The following RIOX2 variants were observed in gnomAD, a reference collection of about 807,000 sequenced individuals.
RIOX2 encodes ribosomal oxygenase 2.
RIOX2 carries 43 observed loss-of-function variants against 51.2 expected under a neutral mutation model. That is an observed-to-expected ratio of 0.84 (90% CI 0.66 to 1.08). The LOEUF is 1.08. RIOX2 is among the 50% of genes least tolerant of loss of function. The pLI is 0.00. For missense variants in RIOX2, 566 were observed against 561.7 expected, an observed-to-expected ratio of 1.01 and a Z score of -0.08; for synonymous variants, 226 against 218.5, an observed-to-expected ratio of 1.03 and a Z score of -0.30.
intron 3 of RIOX2, among the ~76,000 whole-genome samples, chr3:97,960,881 C>T (rs866669113): frequency 1.3e-5 from 2 of 152,132 alleles, no homozygotes; most frequent in Non-Finnish European, 1.5e-5. Flanking sequence ...AGGAAAACTT[C>T]GAGTTTTTTA....
intron 1 of RIOX2, among the ~76,000 whole-genome samples, chr3:97,969,049 G>T (rs1308016986): frequency 6.6e-6 from 1 of 152,144 alleles, no homozygotes; most frequent in African/African-American, 2.4e-5. Flanking sequence ...AGAAACTTTA[G>T]ATTGAAACCC....
chr3:97,951,148 C>A (rs1458184995), intron 5 of RIOX2: 1 of 337,638 alleles, frequency 3.0e-6, no homozygotes, highest in East Asian at 5.3e-5. Flanking sequence ...ATACTGATTT[C>A]TCTTAAAAGC....
In RIOX2 at chr3:97,945,190, T is replaced by C. The variant is rs1385979559; in HGVS notation, c.1392A>G (p.Val464=). Residue 464 remains valine (V), a synonymous_variant, in exon 10 of 10, where the codon GTA becomes GTG. Coordinates refer to ENST00000394198, the MANE Select transcript of RIOX2 (RefSeq NM_153182.4). The part of the protein sequence containing the change: ...LSLWTECLIQ[V]V ...ATTTGATTCTGCAAAGGCACTAGAC[T>C]ACTTGAATTAAACATTCTGTCCAGA... The C allele has an allele frequency of 6.2e-7, 1 of 1,609,092 alleles. No individual in the cohort carries two copies. Among genetic ancestry groups the C allele is most frequent in the South Asian group, 1.1e-5 (1 of 89,994 alleles).
rs866016006 is a variant in RIOX2, at chr3:97,962,370, C to A, written c.433-662G>T. Among the ~76,000 whole-genome samples the A allele has an allele frequency of 4.6e-5, 6 of 129,256 alleles. 1 individual carries two copies. Among genetic ancestry groups the A allele is most frequent in the Admixed American group, 1.5e-4 (2 of 13,088 alleles). 84.8% of individuals were successfully genotyped at this position (129,256 alleles called of 152,430 possible). A position where few individuals can be genotyped will look rare whatever the true frequency, so the allele number is the denominator to read the frequency against. On this transcript the variant is annotated intron_variant, in intron 2 of 9. Coordinates refer to ENST00000394198, the MANE Select transcript of RIOX2 (RefSeq NM_153182.4). ...GGAATGCTAAGACCCCCCCCCCCCC[C>A]CCCACATGGAGATGTCTTTAAGTCG...
Position 97,967,394 on chromosome 3 carries a change from T to C in RIOX2, c.200A>G (p.Gln67Arg). The change falls in exon 2 of 10, where the codon CAG becomes CGG. Residue 67 changes from glutamine to arginine, a missense_variant. Physicochemically the swap from Gln to Arg is conservative, Grantham distance 43. Transcript: ENST00000394198. ...EFWEQKPLLI[Q>R]RDDPALATYY... Reference sequence around the variant, plus strand: ...TGTGGCCAGTGCAGGGTCATCTCTCTGAATGAGAAGGGGCTTCTGCTCCCA... The same window carrying C: ...TGTGGCCAGTGCAGGGTCATCTCTCCGAATGAGAAGGGGCTTCTGCTCCCA... 1 of 1,614,194 alleles carries C rather than the reference T, an allele frequency of 6.2e-7. No homozygotes were observed. Among genetic ancestry groups the C allele is most frequent in the South Asian group, 1.1e-5 (1 of 91,074 alleles).
Position 97,945,077 on chromosome 3 carries a change from A to AGAT in RIOX2, c.*104_*106dup. 1 of 986,302 alleles carries AGAT rather than the reference A, an allele frequency of 1.0e-6. No homozygotes were observed. The allele number at this position is 986,302 out of a possible 1,614,324, so 61.1% of individuals were successfully genotyped here. A position where few individuals can be genotyped will look rare whatever the true frequency, so the allele number is the denominator to read the frequency against. ...ACAGGGAGGTCTCATGTTTGTTAGT[A>AGAT]GATACGCAGGTAAGGAAACTTGAAT... On this transcript the variant is annotated 3_prime_UTR_variant, in exon 10 of 10. Transcript: ENST00000394198.
At chr3:97,963,313 G>A (rs1705754187) in intron 2 of RIOX2, among the ~76,000 whole-genome samples, 1 of 152,028 alleles carries the variant, frequency 6.6e-6, no homozygotes, top group African/African-American at 2.4e-5. Flanking sequence ...ATTTTGTAGA[G>A]ATGGTGGTCT....
At chr3:97,949,659 A>T (rs1158643438) in intron 7 of RIOX2, among the ~76,000 whole-genome samples, 185 bp downstream of exon 7, 1 of 152,114 alleles carries the variant, frequency 6.6e-6, no homozygotes, top group African/African-American at 2.4e-5. Context: ...GACTTCTAAG[A>T]TACAGGTTGC....
At chr3:97,949,171 G>A (rs1212584827) in intron 7 of RIOX2, among the ~76,000 whole-genome samples, 2 of 152,096 alleles carry the variant, frequency 1.3e-5, no homozygotes, top group East Asian at 3.9e-4. Context: ...TCACATTGTG[G>A]GGAGCAGATC....
Position 97,942,088 on chromosome 3 carries a change from CTG to C in RIOX2, c.*3094_*3095del. 2.6e-6 allele frequency: 1 copy of C among 390,798 alleles called. No homozygotes were observed. The highest frequency in any genetic ancestry group is 4.5e-6 in the Non-Finnish European group (1 of 221,940). The allele number at this position is 390,798 out of a possible 1,614,324, so 24.2% of individuals were successfully genotyped here. ...TACCTCTATTTCAGTTGGTTTATTT[CTG>C]TACCATCTCCTACCCACAGCCGTAA... On this transcript the variant is annotated 3_prime_UTR_variant, in exon 10 of 10. Coordinates refer to ENST00000394198, the MANE Select transcript of RIOX2 (RefSeq NM_153182.4).
Position 97,944,097 on chromosome 3 carries a change from G to A in RIOX2, c.*1087C>T, listed in dbSNP as rs1341256266. Reference sequence around the variant, plus strand: ...TGTTGACACTTCATCCTAGATTTAAGGAGAGGCATCAATTTTTTTTTTTTT... The same window carrying A: ...TGTTGACACTTCATCCTAGATTTAAAGAGAGGCATCAATTTTTTTTTTTTT... On this transcript the variant is annotated 3_prime_UTR_variant, in exon 10 of 10. Transcript: ENST00000394198. 6.6e-6 allele frequency: 1 copy of A among 151,488 alleles called. No individual in the cohort carries two copies. The highest frequency in any genetic ancestry group is 1.5e-5 in the Non-Finnish European group (1 of 67,814). 9.4% of individuals were successfully genotyped at this position (151,488 alleles called of 1,614,324 possible).
At position 97,967,169 on chromosome 3, in the gene RIOX2, C is replaced by A; in HGVS notation, c.425G>T (p.Arg142Ile). 1 of 1,613,056 alleles carries A rather than the reference C, an allele frequency of 6.2e-7. No homozygotes were observed. The highest frequency in any genetic ancestry group is 8.5e-7 in the Non-Finnish European group (1 of 1,179,442). ...AATGGGGAAACTGGTTACCTTAAAT[C>A]TCTGAGGTTGGTGAAACTGAATCGT... is the stretch of plus-strand genomic sequence containing the variant. ...RATIQFHQPQ[R>I]FKDELWRIQE... The change falls in exon 2 of 10, where the codon AGA becomes ATA. Residue 142 changes from arginine (R) to isoleucine (I), a missense_variant. Physicochemically the swap from Arg to Ile is moderately conservative, Grantham distance 97. Transcript: ENST00000394198.
chr3:97,964,652 G>A (rs113420470), intron 2 of RIOX2, among the ~76,000 whole-genome samples: 5,761 of 134,782 alleles, frequency 0.043, 395 homozygotes, highest in African/African-American at 0.15. Context: ...AGCCGAGATT[G>A]CGTCACTGCA....
chr3:97,954,920 C>G (rs1705397314), intron 4 of RIOX2, among the ~76,000 whole-genome samples: 1 of 152,196 alleles, frequency 6.6e-6, no homozygotes, highest in Admixed American at 6.5e-5. Context: ...GATGATCTGG[C>G]AATTTACCTG....
intron 5 of RIOX2, chr3:97,952,239 T>C: frequency 7.8e-7 from 1 of 1,289,730 alleles, no homozygotes; most frequent in Middle Eastern, 2.1e-4. Flanking sequence ...CTTCTCATTC[T>C]AGCTCCAGCA....
Position 97,942,518 on chromosome 3 carries a change from A to G in RIOX2, c.*2666T>C. On this transcript the variant is annotated 3_prime_UTR_variant, in exon 10 of 10. Coordinates refer to ENST00000394198, the MANE Select transcript of RIOX2 (RefSeq NM_153182.4). ...TTCCAAATCTCCTCATTTTGGGTAA[A>G]GGACATCCTTATGTATAAGAGAAAT... 1 of 1,323,458 alleles carries G rather than the reference A, an allele frequency of 7.6e-7. No individual in the cohort carries two copies. The allele number at this position is 1,323,458 out of a possible 1,614,324, so 82.0% of individuals were successfully genotyped here. A position where few individuals can be genotyped will look rare whatever the true frequency, so the allele number is the denominator to read the frequency against.
chr3:97,964,269 T>C (rs1050348991), intron 2 of RIOX2, among the ~76,000 whole-genome samples: 16 of 152,208 alleles, frequency 1.1e-4, no homozygotes, highest in African/African-American at 3.9e-4. Context: ...TAAAAAGCCC[T>C]ACTAAATTTC....
At chr3:97,970,232 C>G (rs1156895064) in intron 1 of RIOX2, among the ~76,000 whole-genome samples, 3 of 152,200 alleles carry the variant, frequency 2.0e-5, no homozygotes, top group Non-Finnish European at 1.5e-5. Flanking sequence ...CAATCACTAA[C>G]AAACCCCAAT....
intron 3 of RIOX2, among the ~76,000 whole-genome samples, chr3:97,959,913 A>T (rs1705613222): frequency 6.6e-6 from 1 of 152,224 alleles, no homozygotes; most frequent in Non-Finnish European, 1.5e-5. Context: ...AAGATGCAAT[A>T]TGGAATAGCT....
Sources: allele counts gnomAD v4.1 joint callset (sites outside exome capture counted in the v4.1 genomes callset), GRCh38; gene constraint gnomAD v4.1.1; transcripts MANE v1.5; gene names NCBI Gene and HGNC (gene_info 2026-07-23, HGNC 2026-07-21).